Variants in PTPRN2 observed in about 807,000 individuals in gnomAD.
PTPRN2 encodes the protein receptor-type tyrosine-protein phosphatase N2.
A neutral mutation model predicts 118.8 loss-of-function variants in PTPRN2; 74 were observed. That is an observed-to-expected ratio of 0.62 (90% CI 0.52 to 0.76). The LOEUF is 0.76. PTPRN2 is among the 30% of genes least tolerant of loss of function. The pLI, the probability that PTPRN2 is intolerant of heterozygous loss-of-function variation, is 0.00. For missense variants in PTPRN2, 1,481 were observed against 1,394.4 expected (o/e 1.06, Z -0.99); for synonymous variants, 641 against 608.0 (o/e 1.05, Z -0.80).
chr7:158,474,124 C>T (rs1467800687), intron 2 of PTPRN2, among the ~76,000 whole-genome samples: 3 of 152,126 alleles, frequency 2.0e-5, no homozygotes, highest in Non-Finnish European at 2.9e-5. Flanking sequence ...GCCCAGCCCC[C>T]GTGCGGCCCC....
intron 9 of PTPRN2, among the ~76,000 whole-genome samples, chr7:158,125,859 G>A (rs1451960748): frequency 6.6e-6 from 1 of 152,152 alleles, no homozygotes; most frequent in Non-Finnish European, 1.5e-5. Context: ...AGGACGAGCA[G>A]GAAGCATCAG....
At chr7:158,169,852 C>T (rs1347354461) in intron 5 of PTPRN2, among the ~76,000 whole-genome samples, 2 of 150,820 alleles carry the variant, frequency 1.3e-5, no homozygotes, top group African/African-American at 4.9e-5. Context: ...TCACCACGCC[C>T]TGCTAATTTT....
intron 3 of PTPRN2, among the ~76,000 whole-genome samples, chr7:158,307,948 A>G (rs1216025614): frequency 6.6e-6 from 1 of 152,194 alleles, no homozygotes; most frequent in Non-Finnish European, 1.5e-5. Flanking sequence ...CCTCCTCATC[A>G]TGTGATACCC....
chr7:157,833,453 G>A (rs6960522), intron 12 of PTPRN2, among the ~76,000 whole-genome samples: 1,683 of 146,522 alleles, frequency 0.011, 56 homozygotes, highest in African/African-American at 0.04. Flanking sequence ...AGATGTGGCC[G>A]GTGCCCATCC....
intron 12 of PTPRN2, among the ~76,000 whole-genome samples, chr7:157,747,966 T>C (rs1585367693): frequency 3.3e-5 from 3 of 91,190 alleles, no homozygotes; most frequent in African/African-American, 5.9e-5. Flanking sequence ...TGCAGGCTGT[T>C]GAGGTGATTC....
intron 2 of PTPRN2, among the ~76,000 whole-genome samples, chr7:158,352,564 G>T (rs558455100): frequency 6.6e-6 from 1 of 152,266 alleles, no homozygotes; most frequent in Admixed American, 6.5e-5. Context: ...ACTTCTTATT[G>T]CCCCCTGAAG....
intron 12 of PTPRN2, among the ~76,000 whole-genome samples, chr7:157,727,719 A>G (rs1422699436): frequency 6.6e-6 from 1 of 152,214 alleles, no homozygotes; most frequent in Non-Finnish European, 1.5e-5. Context: ...GAGATTCTGT[A>G]TTACTGAGAA....
intron 14 of PTPRN2, among the ~76,000 whole-genome samples, chr7:157,644,798 A>AAAAC (rs1424357281): frequency 1.3e-4 from 11 of 84,124 alleles, no homozygotes; most frequent in Non-Finnish European, 3.1e-4. Context: ...TCCATCTCAA[A>AAAAC]AAACAAAAAA....
chr7:158,262,364 T>TC, intron 3 of PTPRN2, among the ~76,000 whole-genome samples: 1 of 141,816 alleles, frequency 7.1e-6, no homozygotes. Flanking sequence ...CTGCAAACAT[T>TC]CACTGCACAC....
At chr7:158,083,802 ACT>A (rs1054519455) in intron 10 of PTPRN2, among the ~76,000 whole-genome samples, 23 of 152,250 alleles carry the variant, frequency 1.5e-4, no homozygotes, top group African/African-American at 4.8e-4. Flanking sequence ...GTCACGGTGC[ACT>A]GAGCCCTGGC....
At chr7:157,866,174 A>G (rs1487098480) in intron 12 of PTPRN2, 1 of 152,208 alleles carries the variant, frequency 6.6e-6, no homozygotes, top group East Asian at 1.9e-4. Context: ...GCAAAGGGAA[A>G]GTAGTCGTCA....
chr7:158,035,385 G>A (rs1427958289), intron 11 of PTPRN2, among the ~76,000 whole-genome samples: 3 of 152,216 alleles, frequency 2.0e-5, no homozygotes, highest in African/African-American at 7.2e-5. Flanking sequence ...GTGAAAGGAA[G>A]GAAGGAGAAA....
chr7:157,898,780 G>A lies in PTPRN2; in HGVS notation c.1724-43C>T, dbSNP rs1409195224. 2.7e-6 allele frequency: 4 copies of A among 1,505,928 alleles called. No homozygotes were observed. In the Admixed American group the frequency reaches 5.0e-5, roughly 19 times the overall value. 93.3% of individuals were successfully genotyped at this position (1,505,928 alleles called of 1,614,324 possible). A position where few individuals can be genotyped will look rare whatever the true frequency, so the allele number is the denominator to read the frequency against. ...AAAGCACAAGAGTCAGGTTGGAGAGGTCCTCAGTCTCCGGGCACCTCTGAG... is the reference window on the plus strand; with the variant it reads ...AAAGCACAAGAGTCAGGTTGGAGAGATCCTCAGTCTCCGGGCACCTCTGAG... On this transcript the variant is annotated intron_variant, in intron 11 of 22. Transcript: ENST00000389418.
chr7:158,168,440 GTC>G (rs1025157021), intron 5 of PTPRN2, among the ~76,000 whole-genome samples: 37 of 152,178 alleles, frequency 2.4e-4, no homozygotes, highest in African/African-American at 8.4e-4. Flanking sequence ...CTGAAGAAAT[GTC>G]TGTTTGTATT....
At chr7:158,502,695 G>T (rs1217009702) in intron 1 of PTPRN2, among the ~76,000 whole-genome samples, 1 of 152,246 alleles carries the variant, frequency 6.6e-6, no homozygotes, top group African/African-American at 2.4e-5. Context: ...TCCACAGCCT[G>T]ATTTTACAAT....
At chr7:157,952,015 C>T (rs1307556331) in intron 11 of PTPRN2, among the ~76,000 whole-genome samples, 1 of 152,248 alleles carries the variant, frequency 6.6e-6, no homozygotes, top group Non-Finnish European at 1.5e-5. Context: ...ACTGCGTTCG[C>T]TGCCCATCTT....
intron 12 of PTPRN2, among the ~76,000 whole-genome samples, chr7:157,790,172 T>C (rs980520272): frequency 7.5e-6 from 1 of 133,306 alleles, no homozygotes; most frequent in Non-Finnish European, 1.6e-5. Flanking sequence ...GTGTGTGTGG[T>C]GTGTGTATGG....
At chr7:158,551,587 G>A (rs903111604) in intron 1 of PTPRN2, among the ~76,000 whole-genome samples, 1 of 123,880 alleles carries the variant, frequency 8.1e-6, no homozygotes, top group Non-Finnish European at 1.7e-5. Flanking sequence ...CAGGGGTGGG[G>A]TTCTAATGCA....
At chr7:158,199,807 G>A (rs1826491347) in intron 4 of PTPRN2, among the ~76,000 whole-genome samples, 1 of 114,814 alleles carries the variant, frequency 8.7e-6, no homozygotes, top group African/African-American at 4.4e-5. Flanking sequence ...AAGGGCACAG[G>A]CAGGCACTAG....
Sources: allele counts gnomAD v4.1 joint callset (sites outside exome capture counted in the v4.1 genomes callset), GRCh38; gene constraint gnomAD v4.1.1; transcripts MANE v1.5; gene names NCBI Gene and HGNC (gene_info 2026-07-23, HGNC 2026-07-21).